The following SLCO3A1 variants were observed in gnomAD, a reference collection of about 807,000 sequenced individuals.
SLCO3A1 encodes the protein PGE1 transporter.
SLCO3A1 carries 27 observed loss-of-function variants against 63.1 expected under a neutral mutation model. That is an observed-to-expected ratio of 0.43 (90% CI 0.32 to 0.59). The LOEUF (loss-of-function observed/expected upper bound fraction) is 0.59, where lower values mean the gene tolerates loss of function less well. Among genes scored for constraint, SLCO3A1 ranks in the 20% least tolerant of loss-of-function variants. The pLI is 0.09. For missense variants in SLCO3A1, 773 were observed against 945.8 expected, an observed-to-expected ratio of 0.82 and a Z score of 2.40; for synonymous variants, 473 against 409.9, an observed-to-expected ratio of 1.15 and a Z score of -1.86.
At chr15:92,058,007 T>G (rs2047041701) in intron 2 of SLCO3A1, among the ~76,000 whole-genome samples, 1 of 152,084 alleles carries the variant, frequency 6.6e-6, no homozygotes, top group Admixed American at 6.6e-5. Context: ...GATTCCCAGG[T>G]GAGGAAACAA....
At chr15:91,994,891 C>T (rs980802666) in intron 2 of SLCO3A1, among the ~76,000 whole-genome samples, 4 of 152,144 alleles carry the variant, frequency 2.6e-5, no homozygotes, top group African/African-American at 9.7e-5. Context: ...CTGCTGCTGT[C>T]GGAGCCTAGG....
chr15:92,082,329 C>T (rs943241089), intron 2 of SLCO3A1, among the ~76,000 whole-genome samples: 2 of 152,138 alleles, frequency 1.3e-5, no homozygotes, highest in Non-Finnish European at 2.9e-5. Context: ...ATTGAGGAGA[C>T]GAAGGCAAGT....
intron 2 of SLCO3A1, among the ~76,000 whole-genome samples, chr15:92,046,161 C>T (rs2151491535): frequency 6.6e-6 from 1 of 152,212 alleles, no homozygotes; most frequent in African/African-American, 2.4e-5. Context: ...GAAGTATCTA[C>T]AGTGTCAGAT....
At chr15:92,041,712 G>C (rs1438428847) in intron 2 of SLCO3A1, among the ~76,000 whole-genome samples, 5 of 152,164 alleles carry the variant, frequency 3.3e-5, no homozygotes, top group Non-Finnish European at 7.3e-5. Flanking sequence ...CTTCCTGCGT[G>C]TCACCTGACA....
chr15:92,171,972 G>A (rs1482146818), exon 11 of SLCO3A1: 13 of 793,130 alleles, frequency 1.6e-5, no homozygotes, highest in Admixed American at 1.5e-4. Flanking sequence ...GGGTCCCCAT[G>A]TGGATTATCC....
chr15:92,064,766 CACAAAA>C (rs1165021775), intron 2 of SLCO3A1, among the ~76,000 whole-genome samples: 1 of 152,128 alleles, frequency 6.6e-6, no homozygotes. Flanking sequence ...ATAAGCCAGG[CACAAAA>C]ACAAATATTG....
chr15:91,903,901 G>T (rs1214518895), intron 1 of SLCO3A1, among the ~76,000 whole-genome samples: 1 of 152,214 alleles, frequency 6.6e-6, no homozygotes, highest in Non-Finnish European at 1.5e-5. Context: ...AGTTGTTGTT[G>T]TACATGGATG....
rs571934980 is a variant in SLCO3A1, at chr15:91,948,286, G to A, written c.646+31828G>A. Among the ~76,000 whole-genome samples, 1 of 152,310 alleles carries A rather than the reference G, an allele frequency of 6.6e-6. No individual in the cohort carries two copies. Among genetic ancestry groups the A allele is most frequent in the East Asian group, 1.9e-4 (1 of 5,170 alleles). On this transcript the variant is annotated intron_variant, in intron 2 of 9. Coordinates refer to ENST00000318445, the MANE Select transcript of SLCO3A1 (RefSeq NM_013272.4). The surrounding 1 kb of genome is among the most constrained non-coding windows in gnomAD (Gnocchi z 4.8). ...TGGTCCCTCCACAGTGGGCTCAAAT[G>A]TGACCCTGCGTAGTGCTCCTGGGAG... is the stretch of plus-strand genomic sequence containing the variant.
At chr15:92,107,033 T>C (rs1517620) in intron 4 of SLCO3A1, among the ~76,000 whole-genome samples, 93,301 of 152,042 alleles carry the variant, frequency 0.61, 30,655 homozygotes, top group Admixed American at 0.75. Context: ...TAGGGTGCAA[T>C]AGGCAAGCTC....
chr15:91,868,091 G>A (rs994712841), intron 1 of SLCO3A1, among the ~76,000 whole-genome samples: 1 of 151,644 alleles, frequency 6.6e-6, no homozygotes, highest in Non-Finnish European at 1.5e-5. Flanking sequence ...TCGCTCTGTC[G>A]CCCAGGCTGG....
At chr15:92,049,457 T>C (rs2046930715) in intron 2 of SLCO3A1, among the ~76,000 whole-genome samples, 1 of 152,158 alleles carries the variant, frequency 6.6e-6, no homozygotes, top group Non-Finnish European at 1.5e-5. Flanking sequence ...GACCCTAAGC[T>C]ACCATTGCCC....
intron 9 of SLCO3A1, chr15:92,153,467 T>C (rs985160532): frequency 1.3e-5 from 2 of 152,214 alleles, no homozygotes; most frequent in African/African-American, 2.4e-5. Context: ...GAAGAAGTCT[T>C]AGCATTTGGC....
chr15:91,944,627 T>C (rs1364215243), intron 2 of SLCO3A1, among the ~76,000 whole-genome samples: 2 of 151,884 alleles, frequency 1.3e-5, no homozygotes, highest in Non-Finnish European at 2.9e-5. Flanking sequence ...TCCTGGAGGG[T>C]TTGCATCTCT....
chr15:92,121,724 TA>T (rs2047865122), intron 5 of SLCO3A1, among the ~76,000 whole-genome samples: 1 of 151,968 alleles, frequency 6.6e-6, no homozygotes, highest in Non-Finnish European at 1.5e-5. Context: ...CCTGAAGAAA[TA>T]GAGGAGTCTG....
At chr15:92,100,937 GATATATGTCC>G (rs556177444) in intron 3 of SLCO3A1, among the ~76,000 whole-genome samples, 1 of 152,298 alleles carries the variant, frequency 6.6e-6, no homozygotes, top group Non-Finnish European at 1.5e-5. Flanking sequence ...ACACAGAAGT[GATATATGTCC>G]CCTTGCTCAC....
chr15:91,926,608 C>CGT (rs1899038952), intron 2 of SLCO3A1, among the ~76,000 whole-genome samples: 3 of 84,404 alleles, frequency 3.6e-5, no homozygotes, highest in South Asian at 3.9e-4. Context: ...CGCGCGCGCA[C>CGT]GCCCATGCTT....
chr15:92,011,532 T>G (rs1332650140), intron 2 of SLCO3A1, among the ~76,000 whole-genome samples: 2 of 152,200 alleles, frequency 1.3e-5, no homozygotes, highest in African/African-American at 4.8e-5. Flanking sequence ...AATTCCATCT[T>G]ATCAGAGAGG....
intron 2 of SLCO3A1, among the ~76,000 whole-genome samples, chr15:92,085,030 C>T (rs2151527455): frequency 6.6e-6 from 1 of 152,302 alleles, no homozygotes; most frequent in East Asian, 1.9e-4. Flanking sequence ...TGGGCCCCCA[C>T]CATTGCTTTC....
rs1362461189 is a variant in SLCO3A1, at chr15:91,859,742, G to A, written c.180+5654G>A. On this transcript the variant is annotated intron_variant, in intron 1 of 9. Coordinates refer to ENST00000318445, the MANE Select transcript of SLCO3A1 (RefSeq NM_013272.4). The surrounding 1 kb of genome is among the most constrained non-coding windows in gnomAD (Gnocchi z 5.1). ...TGAGTCAGTACATGTAAAGCACCTT[G>A]AACAATATCTGGCACATAGTGAGTG... Among the ~76,000 whole-genome samples the A allele has an allele frequency of 6.6e-6, 1 of 152,082 alleles. No homozygotes were observed. Among genetic ancestry groups the A allele is most frequent in the East Asian group, 1.9e-4 (1 of 5,188 alleles).
Sources: allele counts gnomAD v4.1 joint callset (sites outside exome capture counted in the v4.1 genomes callset), GRCh38; gene constraint gnomAD v4.1.1; non-coding constraint Gnocchi (gnomAD v3.1); transcripts MANE v1.5; gene names NCBI Gene and HGNC (gene_info 2026-07-23, HGNC 2026-07-21).